The following MAPK10 variants were observed in gnomAD, a reference collection of about 807,000 sequenced individuals.
MAPK10 encodes JNK3 alpha protein kinase.
Under a neutral mutation model 59.3 loss-of-function variants are expected in MAPK10, and 25 were observed. That is an observed-to-expected ratio of 0.42 (90% confidence interval 0.31 to 0.59). The LOEUF (loss-of-function observed/expected upper bound fraction) is 0.59. Among genes scored for constraint, MAPK10 ranks in the 20% least tolerant of loss-of-function variants. The probability of loss-of-function intolerance (pLI) is 0.15; values close to 1 mark genes in which losing one functional copy is unlikely to be tolerated. For synonymous variants in MAPK10, 190 were observed against 200.5 expected (o/e 0.95, Z 0.44); for missense variants, 351 against 568.9 (o/e 0.62, Z 3.90).
At chr4:86,082,502 T>C (rs1173147508) in intron 9 of MAPK10, among the ~76,000 whole-genome samples, 1 of 152,136 alleles carries the variant, frequency 6.6e-6, no homozygotes, top group Non-Finnish European at 1.5e-5. Flanking sequence ...TCAATTAACA[T>C]ATATGTAGGA....
intron 2 of MAPK10, among the ~76,000 whole-genome samples, chr4:86,331,683 A>C (rs1000228679): frequency 2.6e-5 from 4 of 152,200 alleles, no homozygotes; most frequent in African/African-American, 9.6e-5. Flanking sequence ...TTCATCCAAC[A>C]AAGAATATTC....
intron 1 of MAPK10, among the ~76,000 whole-genome samples, chr4:86,537,481 A>G (rs181595241): frequency 6.6e-6 from 1 of 152,286 alleles, no homozygotes; most frequent in East Asian, 1.9e-4. Context: ...TTCTTCCCCA[A>G]AGGAACCAGG....
chr4:86,188,895 T>C (rs149359290), intron 3 of MAPK10, among the ~76,000 whole-genome samples: 4,530 of 152,336 alleles, frequency 0.03, 92 homozygotes, highest in South Asian at 0.041. Context: ...GGTCTTACGT[T>C]TAAGTCTTTA....
chr4:86,280,471 C>T (rs1454717585), intron 2 of MAPK10, among the ~76,000 whole-genome samples: 2 of 152,026 alleles, frequency 1.3e-5, no homozygotes, highest in East Asian at 1.9e-4. Flanking sequence ...GGCAAGGCTG[C>T]GAAGAAAAGG....
At chr4:86,303,521 T>A (rs552977326) in intron 2 of MAPK10, among the ~76,000 whole-genome samples, 56 of 152,214 alleles carry the variant, frequency 3.7e-4, no homozygotes, top group African/African-American at 1.3e-3. Context: ...AGATAACAAT[T>A]TGATAAACAC....
At chr4:86,065,592 T>C (rs2046582790) in intron 10 of MAPK10, 1 of 152,238 alleles carries the variant, frequency 6.6e-6, no homozygotes, top group Non-Finnish European at 1.5e-5. Context: ...ACATGCAGGT[T>C]TGTTACATAG....
At chr4:86,093,585 A>G (rs558680103) in intron 9 of MAPK10, among the ~76,000 whole-genome samples, 2 of 152,090 alleles carry the variant, frequency 1.3e-5, no homozygotes, top group East Asian at 3.9e-4. Context: ...CCACTGATAT[A>G]CATAAATAAA....
At chr4:86,336,409 T>C (rs1008895947) in intron 2 of MAPK10, 1 of 152,198 alleles carries the variant, frequency 6.6e-6, no homozygotes, top group African/African-American at 2.4e-5. Context: ...TGAGAACTTA[T>C]TTGGAGCTTC....
At chr4:86,200,810 T>C (rs546358421) in intron 2 of MAPK10, among the ~76,000 whole-genome samples, 97 of 152,044 alleles carry the variant, frequency 6.4e-4, no homozygotes, top group Non-Finnish European at 1.2e-3. Context: ...ATCAGGGTAA[T>C]TGAGATATCC....
chr4:86,025,621 T>G (rs929416522), intron 13 of MAPK10: 2 of 396,910 alleles, frequency 5.0e-6, no homozygotes, highest in African/African-American at 2.1e-5. Context: ...TCAAAAATGT[T>G]TTGCCATCAA....
In MAPK10 at chr4:86,359,263, C is replaced by CCT. The variant is rs367595812; in HGVS notation, c.-122+393_-122+394dup. On this transcript the variant is annotated intron_variant, in intron 1 of 13. Coordinates refer to ENST00000641462, the MANE Select transcript of MAPK10 (RefSeq NM_138982.4). ...CACAGCTGTTTGGTGTTTTTTTTTT[C>CCT]CTCTCTCTCTCTCTCTCTCTCTCTC... Among the ~76,000 whole-genome samples, 266 of 53,456 alleles carry CCT rather than the reference C, an allele frequency of 5.0e-3. 3 individuals carry two copies. The highest frequency in any genetic ancestry group is 0.01 in the South Asian group (5 of 496). 35.1% of individuals were successfully genotyped at this position (53,456 alleles called of 152,430 possible). A position where few individuals can be genotyped will look rare whatever the true frequency, so the allele number is the denominator to read the frequency against.
intron 4 of MAPK10, among the ~76,000 whole-genome samples, chr4:86,135,019 TGGCTCGGAG>T (rs2061677385): frequency 6.6e-6 from 1 of 152,164 alleles, no homozygotes; most frequent in Non-Finnish European, 1.5e-5. Context: ...ATCCCGCACG[TGGCTCGGAG>T]GGTCCTATGC....
At chr4:86,297,341 G>A (rs189908729) in intron 2 of MAPK10, among the ~76,000 whole-genome samples, 5 of 152,154 alleles carry the variant, frequency 3.3e-5, no homozygotes, top group African/African-American at 7.2e-5. Flanking sequence ...ACAGAGTCTC[G>A]TTCTGTTGCC....
chr4:86,346,752 A>C (rs985064447), intron 2 of MAPK10, among the ~76,000 whole-genome samples: 1 of 121,624 alleles, frequency 8.2e-6, no homozygotes, highest in East Asian at 2.4e-4. Flanking sequence ...AAAAAAAAAA[A>C]CACATCTAAG....
intron 4 of MAPK10, among the ~76,000 whole-genome samples, chr4:86,143,750 T>C (rs1205168702): frequency 6.6e-6 from 1 of 152,246 alleles, no homozygotes; most frequent in African/African-American, 2.4e-5. Context: ...GAAATAGATG[T>C]GATTCCCAAC....
chr4:86,080,207 A>T (rs1339541751), intron 9 of MAPK10: 1 of 151,988 alleles, frequency 6.6e-6, no homozygotes, highest in Non-Finnish European at 1.5e-5. Flanking sequence ...AATTCCAGTA[A>T]TTGAATAAAG....
At chr4:86,588,554 G>GGA in intron 1 of MAPK10, among the ~76,000 whole-genome samples, 1 of 152,094 alleles carries the variant, frequency 6.6e-6, no homozygotes, top group East Asian at 1.9e-4. Flanking sequence ...CTGTTAGCAT[G>GGA]GACATTTATT....
chr4:86,341,766 C>T (rs1214804508), intron 2 of MAPK10, among the ~76,000 whole-genome samples: 1 of 147,482 alleles, frequency 6.8e-6, no homozygotes, highest in Non-Finnish European at 1.5e-5. Flanking sequence ...TAAAGGACCC[C>T]GATTAGGAAA....
chr4:86,548,245 A>G (rs983951144), intron 1 of MAPK10, among the ~76,000 whole-genome samples: 3 of 151,932 alleles, frequency 2.0e-5, no homozygotes, highest in African/African-American at 7.3e-5. Flanking sequence ...TGTAACACTC[A>G]CCACAAAGGT....
Sources: gnomAD v4.1 joint callset for allele counts (sites outside exome capture counted in the v4.1 genomes callset) on GRCh38, gnomAD v4.1.1 for gene constraint, MANE v1.5 for transcripts, NCBI Gene and HGNC (gene_info 2026-07-23, HGNC 2026-07-21) for gene names.